MAD1L1: variants seen among roughly 807,000 people sequenced by gnomAD.
MAD1L1 encodes mitotic arrest deficient 1 like 1.
MAD1L1 carries 95 observed loss-of-function variants against 96.9 expected under a neutral mutation model. That is an observed-to-expected ratio of 0.98 (90% CI 0.83 to 1.16). The LOEUF is 1.16. MAD1L1 is among the 50% of genes most tolerant of loss of function. The pLI is 0.00. For synonymous variants in MAD1L1, 473 were observed against 396.6 expected (o/e 1.19, Z -2.29); for missense variants, 1,007 against 954.4 (o/e 1.06, Z -0.73).
chr7:2,197,896 C>G (rs1374919947), intron 10 of MAD1L1, among the ~76,000 whole-genome samples: 1 of 152,080 alleles, frequency 6.6e-6, no homozygotes, highest in Non-Finnish European at 1.5e-5. Flanking sequence ...TCCTAGCCCC[C>G]GGGTCCCAGC....
chr7:1,946,252 A>G (rs1356777801), intron 16 of MAD1L1, among the ~76,000 whole-genome samples: 1 of 152,188 alleles, frequency 6.6e-6, no homozygotes, highest in Non-Finnish European at 1.5e-5. Flanking sequence ...GTGAGGCTCC[A>G]GGCGTGGGGA....
At chr7:1,916,350 G>A (rs1448497039) in intron 17 of MAD1L1, among the ~76,000 whole-genome samples, 3 of 152,206 alleles carry the variant, frequency 2.0e-5, no homozygotes, top group African/African-American at 4.8e-5. Context: ...GCCAAAAAGT[G>A]GAACCACCCA....
intron 14 of MAD1L1, among the ~76,000 whole-genome samples, chr7:1,982,167 T>G (rs973150063): frequency 1.3e-5 from 2 of 151,884 alleles, no homozygotes; most frequent in Non-Finnish European, 2.9e-5. Context: ...CATCATTTGG[T>G]ACCTTGCTTT....
intron 18 of MAD1L1, chr7:1,838,442 C>T (rs1400706775): frequency 1.6e-5 from 4 of 256,930 alleles, no homozygotes; most frequent in South Asian, 9.9e-5. Context: ...GTTCTATCAA[C>T]GGATGAACGG....
chr7:1,897,958 G>T (rs1012790780), intron 18 of MAD1L1, among the ~76,000 whole-genome samples: 1 of 152,228 alleles, frequency 6.6e-6, no homozygotes, highest in Non-Finnish European at 1.5e-5. Flanking sequence ...AAAGTCAGGG[G>T]GACAGCCTAG....
intron 10 of MAD1L1, among the ~76,000 whole-genome samples, chr7:2,190,131 AG>A (rs1474320630): frequency 6.6e-6 from 1 of 152,266 alleles, no homozygotes; most frequent in Non-Finnish European, 1.5e-5. Flanking sequence ...AAAAAGCTGG[AG>A]GGCTTACTAT....
In MAD1L1 at chr7:2,219,511, G is replaced by A. The variant is rs983069666; in HGVS notation, c.472-55C>T. 9.4e-6 allele frequency: 15 copies of A among 1,590,342 alleles called. No homozygotes were observed. In the African/African-American group the frequency reaches 1.9e-4, roughly 20 times the overall value. ...CAGTGAGTGGAGCCCGTGCGTGGAA[G>A]GAGCCTGCACATGGAGATGAGAAGA... On this transcript the variant is annotated intron_variant, in intron 5 of 18. Transcript: ENST00000265854.
intron 18 of MAD1L1, among the ~76,000 whole-genome samples, chr7:1,880,443 A>C (rs1216212123): frequency 1.3e-5 from 2 of 152,176 alleles, no homozygotes; most frequent in African/African-American, 2.4e-5. Context: ...GAGCCTCAGA[A>C]GGAAGGGAGG....
chr7:1,924,132 T>C (rs1788957965), intron 17 of MAD1L1, among the ~76,000 whole-genome samples: 2 of 152,324 alleles, frequency 1.3e-5, no homozygotes, highest in Non-Finnish European at 2.9e-5. Flanking sequence ...GCTGGAATTA[T>C]CGAGTGAGAT....
At chr7:2,129,371 G>C (rs1237228041) in intron 11 of MAD1L1, among the ~76,000 whole-genome samples, 1 of 152,220 alleles carries the variant, frequency 6.6e-6, no homozygotes, top group Non-Finnish European at 1.5e-5. Flanking sequence ...GTCTCCGCGG[G>C]ACTGTGAATG....
intron 13 of MAD1L1, among the ~76,000 whole-genome samples, chr7:2,009,070 C>CT (rs1179581464): frequency 2.6e-5 from 4 of 152,224 alleles, no homozygotes; most frequent in African/African-American, 9.6e-5. Flanking sequence ...GAGCTGCCTC[C>CT]ACCCAAGCAG....
At chr7:2,070,791 G>A (rs1053743400) in intron 11 of MAD1L1, among the ~76,000 whole-genome samples, 5 of 152,254 alleles carry the variant, frequency 3.3e-5, no homozygotes, top group African/African-American at 1.2e-4. Flanking sequence ...ACAGGAATGT[G>A]GGATGGGGCC....
chr7:1,886,146 C>G (rs1339477115), intron 18 of MAD1L1, among the ~76,000 whole-genome samples: 1 of 152,240 alleles, frequency 6.6e-6, no homozygotes, highest in Non-Finnish European at 1.5e-5. Flanking sequence ...GCCAGGTTCA[C>G]TTCTGGGCAC....
At position 1,999,349 on chromosome 7, in the gene MAD1L1, G is replaced by A. The variant is rs192513922; in HGVS notation, c.1416+2716C>T. Among the ~76,000 whole-genome samples, 27 of 152,272 alleles carry A rather than the reference G, an allele frequency of 1.8e-4. No homozygotes were observed. In the East Asian group the frequency reaches 3.5e-3, roughly 20 times the overall value. On this transcript the variant is annotated intron_variant, in intron 14 of 18. Transcript: ENST00000265854. The stretch of plus-strand genomic sequence containing the variant: ...CCCAGACCTGAGAAAGGCCTGTCCT[G>A]GAGCCCCCAACAGCCTGATTTTCCC...
chr7:2,041,053 C>T (rs569370311), intron 12 of MAD1L1, among the ~76,000 whole-genome samples: 1 of 152,342 alleles, frequency 6.6e-6, no homozygotes, highest in Non-Finnish European at 1.5e-5. Context: ...ACCCCCTGCA[C>T]TGAGACACCG....
intron 18 of MAD1L1, among the ~76,000 whole-genome samples, chr7:1,859,758 C>T (rs967243520): frequency 4.0e-5 from 6 of 151,730 alleles, no homozygotes; most frequent in South Asian, 2.1e-4. Context: ...GGCCTCTGTT[C>T]CCTAGACCTG....
At chr7:2,008,489 C>G (rs1048919436) in intron 13 of MAD1L1, among the ~76,000 whole-genome samples, 1 of 152,230 alleles carries the variant, frequency 6.6e-6, no homozygotes, top group Admixed American at 6.5e-5. Context: ...ACAAGAGCTC[C>G]CCAAGCTCAG....
chr7:2,082,373 G>T (rs1480158029), intron 11 of MAD1L1, among the ~76,000 whole-genome samples: 9 of 152,144 alleles, frequency 5.9e-5, no homozygotes, highest in Non-Finnish European at 1.3e-4. Flanking sequence ...AAGGAGCCAG[G>T]CCTGGGGAGC....
Position 1,860,556 on chromosome 7 carries a change from C to T in MAD1L1, c.1998+37644G>A, listed in dbSNP as rs544887121. ...AGGGTGGCCTCTGTTTCCTGTCCCT[C>T]GTCCCTCACAAAACGCTTTGTTCTT... On this transcript the variant is annotated intron_variant, in intron 18 of 18. Transcript: ENST00000265854. Among the ~76,000 whole-genome samples the T allele has an allele frequency of 2.0e-5, 3 of 151,980 alleles. No homozygotes were observed. The South Asian group carries it at 6.2e-4, about 31-fold the overall frequency.
Sources: allele counts gnomAD v4.1 joint callset (sites outside exome capture counted in the v4.1 genomes callset), GRCh38; gene constraint gnomAD v4.1.1; transcripts MANE v1.5; gene names NCBI Gene and HGNC (gene_info 2026-07-23, HGNC 2026-07-21).